The following KAT2B variants were observed in gnomAD, a reference collection of about 807,000 sequenced individuals.
KAT2B encodes histone acetyltransferase KAT2B.
KAT2B carries 36 observed loss-of-function variants against 105.9 expected under a neutral mutation model. The ratio of observed to expected loss-of-function variants is 0.34; its 90% confidence interval spans 0.26 to 0.45. The LOEUF (loss-of-function observed/expected upper bound fraction) is 0.45. KAT2B is among the 20% of genes least tolerant of loss of function. KAT2B has a pLI of 1.00. For synonymous variants in KAT2B, 397 were observed against 377.9 expected, an observed-to-expected ratio of 1.05 and a Z score of -0.59; for missense variants, 820 against 1,021.6, an observed-to-expected ratio of 0.80 and a Z score of 2.69.
intron 11 of KAT2B, among the ~76,000 whole-genome samples, chr3:20,128,480 C>G (rs1160861718): frequency 6.6e-6 from 1 of 150,996 alleles, no homozygotes; most frequent in Non-Finnish European, 1.5e-5. Context: ...GTTGGAGTGT[C>G]TTTTTGTTTT....
At chr3:20,077,496 T>C (rs756963775) in intron 2 of KAT2B, among the ~76,000 whole-genome samples, 4 of 152,230 alleles carry the variant, frequency 2.6e-5, no homozygotes, top group Non-Finnish European at 5.9e-5. Context: ...ACATGAAATG[T>C]GTTTACTCTG....
intron 13 of KAT2B, among the ~76,000 whole-genome samples, chr3:20,142,464 G>A (rs1294653762): frequency 1.3e-5 from 2 of 152,156 alleles, no homozygotes; most frequent in East Asian, 3.8e-4. Context: ...ACCCCTCAAG[G>A]AAGGTAGGGA....
chr3:20,142,140 A>G (rs920732506), intron 13 of KAT2B, among the ~76,000 whole-genome samples: 2 of 152,166 alleles, frequency 1.3e-5, no homozygotes, highest in Non-Finnish European at 2.9e-5. Flanking sequence ...CACATTGTAC[A>G]TGATCTGTTG....
At chr3:20,112,580 A>G (rs1291722823) in intron 6 of KAT2B, among the ~76,000 whole-genome samples, 1 of 152,214 alleles carries the variant, frequency 6.6e-6, no homozygotes, top group African/African-American at 2.4e-5. Context: ...GAGCAGTAAC[A>G]GCGAGAAATG....
At chr3:20,103,068 A>G (rs1237279269) in intron 5 of KAT2B, among the ~76,000 whole-genome samples, 1 of 152,146 alleles carries the variant, frequency 6.6e-6, no homozygotes, top group Non-Finnish European at 1.5e-5. Context: ...TTAATAATTG[A>G]TATTTATAGG....
intron 10 of KAT2B, among the ~76,000 whole-genome samples, 190 bp downstream of exon 10, chr3:20,126,303 T>G (rs1241747550): frequency 6.6e-6 from 1 of 152,128 alleles, no homozygotes; most frequent in Non-Finnish European, 1.5e-5. Flanking sequence ...ATTTACAAAT[T>G]TTCTTGTTAA....
intron 5 of KAT2B, among the ~76,000 whole-genome samples, chr3:20,105,993 C>T (rs73818812): frequency 0.03 from 4,527 of 152,124 alleles, 199 homozygotes; most frequent in East Asian, 0.2. Context: ...GGAAAGAACA[C>T]TAGGAAACAG....
intron 1 of KAT2B, among the ~76,000 whole-genome samples, chr3:20,056,809 T>C (rs1193762214): frequency 6.6e-6 from 1 of 152,226 alleles, no homozygotes; most frequent in African/African-American, 2.4e-5. Flanking sequence ...GGTTTTGATG[T>C]TGGCTTCTTG....
chr3:20,082,487 C>T (rs975942968), intron 2 of KAT2B, among the ~76,000 whole-genome samples: 1 of 152,118 alleles, frequency 6.6e-6, no homozygotes, highest in African/African-American at 2.4e-5. Context: ...ATTAAGCCTC[C>T]ACTCAAGAAT....
Position 20,087,138 on chromosome 3 carries a change from T to A in KAT2B, c.431-8125T>A, listed in dbSNP as rs570128576. Among the ~76,000 whole-genome samples the A allele has an allele frequency of 3.3e-5, 5 of 152,328 alleles. No homozygotes were observed. The South Asian group carries it at 1.0e-3, about 32-fold the overall frequency. ...ATAGGAAGAATGAGTTCTAGTGTTCTATGCCACTGTAAGATGACTGTGGTT... is the reference window on the plus strand; with the variant it reads ...ATAGGAAGAATGAGTTCTAGTGTTCAATGCCACTGTAAGATGACTGTGGTT... On this transcript the variant is annotated intron_variant, in intron 2 of 17. Transcript: ENST00000263754.
In KAT2B at chr3:20,146,280, C is replaced by T. The variant is rs572341750; in HGVS notation, c.2005-36C>T. On this transcript the variant is annotated intron_variant, in intron 13 of 17. Transcript: ENST00000263754. Reference sequence around the variant, plus strand: ...TGACTTGAACTGTATCCATAGACTTCTTTCCCTAAACACATTTCCTTCCTG... The same window carrying T: ...TGACTTGAACTGTATCCATAGACTTTTTTCCCTAAACACATTTCCTTCCTG... 4.9e-6 allele frequency: 6 copies of T among 1,223,636 alleles called. No individual in the cohort carries two copies. The African/African-American group carries it at 6.0e-5, about 12-fold the overall frequency. The allele number at this position is 1,223,636 out of a possible 1,614,324, so 75.8% of individuals were successfully genotyped here.
chr3:20,139,616 T>C (rs1177776057), intron 12 of KAT2B, among the ~76,000 whole-genome samples: 1 of 151,904 alleles, frequency 6.6e-6, no homozygotes, highest in Non-Finnish European at 1.5e-5. Context: ...ATTATAAATA[T>C]ATTATTTATA....
chr3:20,135,247 G>A (rs1699580108), intron 11 of KAT2B, among the ~76,000 whole-genome samples: 1 of 152,240 alleles, frequency 6.6e-6, no homozygotes, highest in Non-Finnish European at 1.5e-5. Context: ...ATTTGCAGAA[G>A]AGGGAGATGA....
At chr3:20,092,281 TG>T (rs1171348968) in intron 2 of KAT2B, among the ~76,000 whole-genome samples, 3 of 151,342 alleles carry the variant, frequency 2.0e-5, no homozygotes, top group African/African-American at 7.3e-5. Flanking sequence ...TAGGCTGGAG[TG>T]CAGTGGCATG....
intron 1 of KAT2B, among the ~76,000 whole-genome samples, chr3:20,060,015 G>A (rs560054222): frequency 2.5e-4 from 38 of 152,280 alleles, no homozygotes; most frequent in Non-Finnish European, 4.4e-4. Flanking sequence ...TTCTTATGCC[G>A]AGTGTAATGT....
intron 3 of KAT2B, among the ~76,000 whole-genome samples, chr3:20,096,605 G>A (rs1387994331): frequency 6.6e-6 from 1 of 152,184 alleles, no homozygotes; most frequent in East Asian, 1.9e-4. Flanking sequence ...GAAGCACTGT[G>A]CTTCATTTTA....
chr3:20,117,866 C>A (rs1340313830), intron 7 of KAT2B, among the ~76,000 whole-genome samples: 1 of 152,070 alleles, frequency 6.6e-6, no homozygotes, highest in Non-Finnish European at 1.5e-5. Flanking sequence ...TGTACAATGG[C>A]CTTTTCTAAA....
chr3:20,127,536 A>G lies in KAT2B; in HGVS notation c.1736A>G (p.Asn579Ser). The change falls in exon 11 of 18, where the codon AAT becomes AGT. Residue 579 changes from asparagine to serine, a missense_variant. This residue lies in a region of KAT2B where 2 missense variants were observed against 17.9 expected (regional missense o/e 0.11). Transcript: ENST00000263754. ...ATTGTCTTCTGTGCTGTAACCTCAA[A>G]TGAGCAAGTCAAGGTAAGGGTAAAC... ...TEIVFCAVTS[N>S]EQVKGYGTHL... 1 of 1,613,906 alleles carries G rather than the reference A, an allele frequency of 6.2e-7. No homozygotes were observed. The highest frequency in any genetic ancestry group is 8.5e-7 in the Non-Finnish European group (1 of 1,179,864).
chr3:20,120,296 C>G (rs1403963234), intron 8 of KAT2B, among the ~76,000 whole-genome samples: 1 of 151,966 alleles, frequency 6.6e-6, no homozygotes, highest in Non-Finnish European at 1.5e-5. Context: ...GGTGTGATCT[C>G]AGCTCACTGC....
Sources: allele counts gnomAD v4.1 joint callset (sites outside exome capture counted in the v4.1 genomes callset), GRCh38; gene constraint gnomAD v4.1.1; regional missense constraint gnomAD v4.1.1; transcripts MANE v1.5; gene names NCBI Gene and HGNC (gene_info 2026-07-23, HGNC 2026-07-21).